Variants in KRT84 observed in about 807,000 individuals in gnomAD.
KRT84 encodes the protein keratin 84.
A neutral mutation model predicts 49.0 loss-of-function variants in KRT84; 38 were observed. That is an observed-to-expected ratio of 0.78 (90% CI 0.60 to 1.02). The LOEUF (loss-of-function observed/expected upper bound fraction) is 1.02, where lower values mean the gene tolerates loss of function less well. Ranked by LOEUF, KRT84 falls within the 50% of genes least tolerant of loss-of-function variation. The pLI is 0.00. For synonymous variants in KRT84, 334 were observed against 312.8 expected (o/e 1.07, Z -0.72); for missense variants, 860 against 788.6 (o/e 1.09, Z -1.08).
intron 8 of KRT84, 131 bp from the exon 9 acceptor site, chr12:52,378,511 C>G: frequency 1.6e-6 from 1 of 625,502 alleles, no homozygotes; most frequent in South Asian, 2.5e-5. Flanking sequence ...GGGAAGTGGT[C>G]CCTATTGTCT....
At chr12:52,381,594 G>C in intron 4 of KRT84, 69 bp from the exon 5 acceptor site, 1 of 1,523,672 alleles carries the variant, frequency 6.6e-7, no homozygotes, top group Non-Finnish European at 9.0e-7. Context: ...CTGCCACAGG[G>C]GGCCCAGGAA....
At chr12:52,386,395 T>C (rs1452042300), upstream of KRT84, among the ~76,000 whole-genome samples, 1 of 69,126 alleles carries the variant, frequency 1.4e-5, no homozygotes, top group Admixed American at 1.6e-4. Flanking sequence ...TATCTTAAAT[T>C]TTTTTTTTTT....
At chr12:52,382,374 C>A (rs1227600643) in intron 4 of KRT84, 63 bp downstream of exon 4, 3 of 1,085,506 alleles carry the variant, frequency 2.8e-6, no homozygotes, top group Non-Finnish European at 2.9e-6. Flanking sequence ...CCAGGCTAAG[C>A]ATTCAGGGAG....
intron 1 of KRT84, among the ~76,000 whole-genome samples, chr12:52,384,473 T>C (rs1939541031): frequency 6.6e-6 from 1 of 152,222 alleles, no homozygotes; most frequent in African/African-American, 2.4e-5. Flanking sequence ...CCAGTGGTCA[T>C]TCCCTGCAAT....
intron 8 of KRT84, 93 bp downstream of exon 8, chr12:52,379,783 T>C (rs543091557): frequency 1.9e-6 from 2 of 1,025,724 alleles, no homozygotes; most frequent in East Asian, 5.0e-5. Context: ...AGACCGGCCA[T>C]GTCGGACGCC....
At chr12:52,379,178 G>A (rs536885355) in intron 8 of KRT84, among the ~76,000 whole-genome samples, 12 of 152,318 alleles carry the variant, frequency 7.9e-5, no homozygotes, top group African/African-American at 2.2e-4. Context: ...TCCACTACAC[G>A]TCAGTGTTCA....
At chr12:52,381,657 A>G in intron 4 of KRT84, 132 bp from the exon 5 acceptor site, 7 of 842,846 alleles carry the variant, frequency 8.3e-6, no homozygotes, top group Non-Finnish European at 1.3e-5. Context: ...AAGCAAGACC[A>G]TCTAAATTGA....
In KRT84 at chr12:52,380,584, C is replaced by T. The variant is rs778356002; in HGVS notation, c.1204-1G>A. ...CCACTGCAGCCTCCAACTTGGCACGCTGCAGGGAAGGCAGTTTGCAGGTAG... is the reference window on the plus strand; with the variant it reads ...CCACTGCAGCCTCCAACTTGGCACGTTGCAGGGAAGGCAGTTTGCAGGTAG... On this transcript the variant is annotated splice_acceptor_variant, in intron 6 of 8. Transcript: ENST00000257951. LOFTEE classifies it high-confidence loss of function. The T allele has an allele frequency of 6.2e-7, 1 of 1,607,688 alleles. No individual in the cohort carries two copies. The highest frequency in any genetic ancestry group is 8.5e-7 in the Non-Finnish European group (1 of 1,176,468).
chr12:52,381,853 A>C (rs1338425610), intron 4 of KRT84, among the ~76,000 whole-genome samples: 2 of 152,206 alleles, frequency 1.3e-5, no homozygotes, highest in African/African-American at 4.8e-5. Context: ...ATTATCTACA[A>C]AGTGGCTGGG....
rs760271215 is a variant in KRT84 at position 52,385,137 on chromosome 12, AG to A, written c.448del (p.Leu150SerfsTer12). On this transcript the variant is annotated frameshift_variant, in exon 1 of 9. Transcript: ENST00000257951. LOFTEE classifies it high-confidence loss of function. ...VTVNKSLLTP[L>X]NLEIDPNAQR... ...GGCATTGGGGTCAATCTCCAGGTTG[AG>A]GGGGGTCAGTAGGCTCTTGTTCACA... 2.1e-5 allele frequency: 34 copies of A among 1,598,492 alleles called. No individual in the cohort carries two copies. The highest frequency in any genetic ancestry group is 2.7e-5 in the Non-Finnish European group (32 of 1,171,586).
chr12:52,381,630 C>T (rs1939487668), intron 4 of KRT84, 105 bp from the exon 5 acceptor site: 1 of 1,097,208 alleles, frequency 9.1e-7, no homozygotes, highest in Non-Finnish European at 1.3e-6. Flanking sequence ...GAGAGCATCA[C>T]TCATTGGTTC....
upstream of KRT84, among the ~76,000 whole-genome samples, chr12:52,386,394 T>C (rs1380741509): frequency 1.5e-5 from 1 of 65,198 alleles, no homozygotes; most frequent in South Asian, 4.2e-4. Context: ...TTATCTTAAA[T>C]TTTTTTTTTT....
intron 1 of KRT84, 86 bp downstream of exon 1, chr12:52,384,954 G>C: frequency 2.9e-6 from 4 of 1,371,268 alleles, no homozygotes; most frequent in Non-Finnish European, 4.0e-6. Context: ...CCCCAGAACC[G>C]GGCCAGTTCT....
intron 6 of KRT84, 72 bp downstream of exon 6, chr12:52,381,008 A>G (rs1939471793): frequency 2.5e-6 from 4 of 1,578,386 alleles, no homozygotes; most frequent in Non-Finnish European, 3.5e-6. Flanking sequence ...ACCTCATTAG[A>G]CTTGGGGGTT....
At chr12:52,386,581 G>A (rs1351529176), upstream of KRT84, among the ~76,000 whole-genome samples, 2 of 151,846 alleles carry the variant, frequency 1.3e-5, no homozygotes, top group Admixed American at 6.6e-5. Flanking sequence ...TGAGGCCAAA[G>A]CATTGGAAAG....
At position 52,381,444 on chromosome 12, in the gene KRT84, C is replaced by T; in HGVS notation, c.994G>A (p.Gly332Arg). 1 of 1,614,198 alleles carries T rather than the reference C, an allele frequency of 6.2e-7. No homozygotes were observed. The highest frequency in any genetic ancestry group is 8.5e-7 in the Non-Finnish European group (1 of 1,180,038). Residue 332 changes from glycine (G) to arginine (R), a missense_variant, in exon 5 of 9, where the codon GGG becomes AGG. Gly to Arg is a moderately radical substitution (Grantham distance 125). Transcript: ENST00000257951. Reference protein sequence around the residue: ...MDNSRDLNLDGIIAEVKAQYE... With the variant: ...MDNSRDLNLDRIIAEVKAQYE... ...TGGGCCTTGACCTCAGCAATGATCC[C>T]ATCAAGGTTCAGGTCACGGCTGTTG...
Position 52,380,441 on chromosome 12 carries a change from T to C in KRT84, c.1346A>G (p.Gln449Arg), listed in dbSNP as rs1565774706. 1 of 1,614,192 alleles carries C rather than the reference T, an allele frequency of 6.2e-7. No individual in the cohort carries two copies. The highest frequency in any genetic ancestry group is 1.3e-5 in the African/African-American group (1 of 75,054). Reference sequence around the variant, plus strand: ...GCCCAGCTTGGCATTCATCAGCTCCTGGTACTCGCACAGCTGCCGCGCCAT... The same window carrying C: ...GCCCAGCTTGGCATTCATCAGCTCCCGGTACTCGCACAGCTGCCGCGCCAT... ...QDMARQLCEY[Q>R]ELMNAKLGLD... The change falls in exon 7 of 9, where the codon CAG becomes CGG. Residue 449 changes from glutamine to arginine, a missense_variant. Transcript: ENST00000257951.
rs1191103212 is a variant in KRT84 at position 52,385,401 on chromosome 12, G to A, written c.185C>T (p.Ser62Leu). 3.1e-6 allele frequency: 5 copies of A among 1,614,096 alleles called. No individual in the cohort carries two copies. The highest frequency in any genetic ancestry group is 4.2e-6 in the Non-Finnish European group (5 of 1,180,044). ...SRSVITFGSY[S>L]PRIAAVGSRP... ...AGAGCCTACAGCTGCTATCCGGGGT[G>A]AGTACGATCCAAAGGTGATGACACT... is the stretch of plus-strand genomic sequence containing the variant. Residue 62 changes from serine to leucine, a missense_variant, in exon 1 of 9, where the codon TCA becomes TTA. Physicochemically the swap from Ser to Leu is moderately radical, Grantham distance 145. Transcript: ENST00000257951.
At chr12:52,381,687 T>C (rs1185496059) in intron 4 of KRT84, among the ~76,000 whole-genome samples, 162 bp from the exon 5 acceptor site, 1 of 152,178 alleles carries the variant, frequency 6.6e-6, no homozygotes, top group African/African-American at 2.4e-5. Context: ...AAAAGACATG[T>C]CTGAGAACCA....
Sources: gnomAD v4.1 joint callset for allele counts (sites outside exome capture counted in the v4.1 genomes callset) on GRCh38, gnomAD v4.1.1 for gene constraint, MANE v1.5 for transcripts, NCBI Gene and HGNC (gene_info 2026-07-23, HGNC 2026-07-21) for gene names.